Variants in CUX1 observed in about 807,000 individuals in gnomAD.
CUX1 encodes the protein cut like homeobox 1.
CUX1 carries 31 observed loss-of-function variants against 158.8 expected under a neutral mutation model. The observed-to-expected ratio is 0.20, with a 90% confidence interval of 0.15 to 0.26. The LOEUF (loss-of-function observed/expected upper bound fraction) is 0.26. Ranked by LOEUF, CUX1 falls within the 10% of genes least tolerant of loss-of-function variation. The pLI is 1.00. For missense variants in CUX1, 1,589 were observed against 2,014.6 expected (o/e 0.79, Z 4.04); for synonymous variants, 879 against 862.1 (o/e 1.02, Z -0.34).
chr7:101,936,519 G>A (rs1291473992), intron 2 of CUX1, among the ~76,000 whole-genome samples: 1 of 152,172 alleles, frequency 6.6e-6, no homozygotes. Flanking sequence ...GGATCCCCTG[G>A]GAGTTTTCCC....
intron 1 of CUX1, among the ~76,000 whole-genome samples, chr7:101,885,214 G>A (rs921658564): frequency 3.9e-5 from 6 of 152,142 alleles, no homozygotes; most frequent in Admixed American, 1.3e-4. Flanking sequence ...CCCTGATTGG[G>A]GCTGGATGCC....
At chr7:102,269,625 T>C (rs1397240212) in intron 14 of CUX1, among the ~76,000 whole-genome samples, 2 of 141,980 alleles carry the variant, frequency 1.4e-5, no homozygotes, top group Non-Finnish European at 1.5e-5. Context: ...GTTTTCGCCA[T>C]GTTGGCCAGG....
chr7:101,894,154 A>G (rs1240010888), intron 1 of CUX1, among the ~76,000 whole-genome samples: 1 of 152,172 alleles, frequency 6.6e-6, no homozygotes, highest in Non-Finnish European at 1.5e-5. Flanking sequence ...GTCGCCAAGT[A>G]GGAGAATGTC....
chr7:102,279,306 A>G (rs803088), intron 18 of CUX1, among the ~76,000 whole-genome samples: 45,651 of 152,038 alleles, frequency 0.3, 7,067 homozygotes, highest in East Asian at 0.49. Flanking sequence ...ACACCATTGC[A>G]CTCCAGCCTG....
At chr7:102,102,549 G>A (rs539464468) in intron 5 of CUX1, among the ~76,000 whole-genome samples, 8 of 151,944 alleles carry the variant, frequency 5.3e-5, no homozygotes, top group Non-Finnish European at 1.0e-4. Context: ...AGCAGGAATG[G>A]ATGTGAGTTA....
At chr7:102,216,825 C>CCACA (rs57908920) in intron 20 of CUX1, among the ~76,000 whole-genome samples, 5 of 140,826 alleles carry the variant, frequency 3.6e-5, no homozygotes, top group African/African-American at 1.3e-4. Flanking sequence ...CACTCTCCCA[C>CCACA]CACACACACA....
chr7:102,099,417 C>T (rs1721602915), intron 5 of CUX1, among the ~76,000 whole-genome samples: 1 of 151,832 alleles, frequency 6.6e-6, no homozygotes. Flanking sequence ...TAAAAGGTAA[C>T]CTGCAAATCT....
intron 23 of CUX1, among the ~76,000 whole-genome samples, chr7:102,245,033 C>T (rs536519839): frequency 6.6e-5 from 10 of 152,216 alleles, no homozygotes; most frequent in African/African-American, 2.4e-4. Flanking sequence ...TGTTTGTTTT[C>T]TGATTTTGGT....
At chr7:101,975,296 C>T (rs969769269) in intron 2 of CUX1, among the ~76,000 whole-genome samples, 4 of 151,570 alleles carry the variant, frequency 2.6e-5, no homozygotes, top group Non-Finnish European at 4.4e-5. Flanking sequence ...AAAAGGCTCA[C>T]GCCTGTAATC....
chr7:101,873,850 G>A (rs1052519173), intron 1 of CUX1, among the ~76,000 whole-genome samples: 1 of 152,328 alleles, frequency 6.6e-6, no homozygotes, highest in East Asian at 1.9e-4. Context: ...CTCCCAAAGT[G>A]CTGGGAATAC....
Position 102,255,544 on chromosome 7 carries a change from ATTAGTCTACG to A in CUX1, c.*6506_*6515del. 1.0e-6 allele frequency: 1 copy of A among 985,448 alleles called. No individual in the cohort carries two copies. The highest frequency in any genetic ancestry group is 4.7e-5 in the South Asian group (1 of 21,294). The allele number at this position is 985,448 out of a possible 1,614,324, so 61.0% of individuals were successfully genotyped here. ...GTTTACCCGATAATGTTAAGAAAGCATTAGTCTACGTTACTGTAATTTCTGTAGTGTTTAC... is the reference window on the plus strand; with the variant it reads ...GTTTACCCGATAATGTTAAGAAAGCATTACTGTAATTTCTGTAGTGTTTAC... On this transcript the variant is annotated 3_prime_UTR_variant, in exon 24 of 24. Coordinates refer to ENST00000292535, the MANE Select transcript of CUX1 (RefSeq NM_181552.4).
chr7:102,211,778 TA>T (rs66627422), intron 20 of CUX1, among the ~76,000 whole-genome samples: 47,268 of 77,488 alleles, frequency 0.61, 14,006 homozygotes, highest in East Asian at 0.85. Context: ...AAACTCCATC[TA>T]AAAAAAAAAA....
Position 102,248,470 on chromosome 7 carries a change from GC to G in CUX1, c.3947del (p.Ala1316GlyfsTer169). 6.3e-7 allele frequency: 1 copy of G among 1,594,270 alleles called. No individual in the cohort carries two copies. Among genetic ancestry groups the G allele is most frequent in the Non-Finnish European group, 8.5e-7 (1 of 1,174,258 alleles). Reference sequence around the variant, plus strand: ...AATTCAGGCCGGGAGTCAGGGCCAGGCGGGCGCCAGCGACTCACCCTCGGCC... The same window carrying G: ...AATTCAGGCCGGGAGTCAGGGCCAGGGGGCGCCAGCGACTCACCCTCGGCC... ...EEIQAGSQGQ[A>X]GASDSPSARS... On this transcript the variant is annotated frameshift_variant, in exon 24 of 24. Transcript: ENST00000292535. LOFTEE classifies it low-confidence loss of function (END_TRUNC). This position sits in a 1 kb window ranked among gnomAD's most constrained non-coding sequence, Gnocchi z 5.8.
intron 1 of CUX1, among the ~76,000 whole-genome samples, chr7:101,888,360 G>A (rs1800486912): frequency 6.6e-6 from 1 of 152,090 alleles, no homozygotes; most frequent in African/African-American, 2.4e-5. Context: ...ATTATTGAAT[G>A]TCTTCCTTGT....
chr7:102,157,769 T>C (rs1314584797), intron 8 of CUX1, among the ~76,000 whole-genome samples: 1 of 152,182 alleles, frequency 6.6e-6, no homozygotes, highest in African/African-American at 2.4e-5. Context: ...GACAGAGCTC[T>C]GTCTCAAAAC....
chr7:102,116,697 T>C (rs1219056878), intron 8 of CUX1, among the ~76,000 whole-genome samples: 1 of 152,144 alleles, frequency 6.6e-6, no homozygotes, highest in African/African-American at 2.4e-5. Flanking sequence ...CAGGGGCTGA[T>C]TGTCCTTCAC....
At chr7:102,270,433 G>C (rs906042869) in intron 14 of CUX1, among the ~76,000 whole-genome samples, 2 of 152,168 alleles carry the variant, frequency 1.3e-5, no homozygotes, top group Non-Finnish European at 2.9e-5. Flanking sequence ...GATCCAGCTG[G>C]GCTCTGGGAC....
chr7:102,027,253 G>A (rs1388392634), intron 2 of CUX1, among the ~76,000 whole-genome samples: 1 of 152,012 alleles, frequency 6.6e-6, no homozygotes, highest in Non-Finnish European at 1.5e-5. Flanking sequence ...GGCGCCTGTA[G>A]TCCCACTTAC....
Position 101,855,894 on chromosome 7 carries a change from AT to A in CUX1, c.30+38226del, listed in dbSNP as rs1440039341. 5.1e-4 allele frequency among the ~76,000 whole-genome samples: 75 copies of A among 147,760 alleles called. No individual in the cohort carries two copies. In the East Asian group the frequency reaches 0.011, roughly 22 times the overall value. On this transcript the variant is annotated intron_variant, in intron 1 of 23. Coordinates refer to ENST00000292535, the MANE Select transcript of CUX1 (RefSeq NM_181552.4). Reference sequence around the variant, plus strand: ...TTCCAGCTCAAAAAAAAAAAAAAAAATGCAGCTTAAGTGCTGGTTTAGCGCC... The same window carrying A: ...TTCCAGCTCAAAAAAAAAAAAAAAAAGCAGCTTAAGTGCTGGTTTAGCGCC...
Sources: allele counts gnomAD v4.1 joint callset (sites outside exome capture counted in the v4.1 genomes callset), GRCh38; gene constraint gnomAD v4.1.1; non-coding constraint Gnocchi (gnomAD v3.1); transcripts MANE v1.5; gene names NCBI Gene and HGNC (gene_info 2026-07-23, HGNC 2026-07-21).